The following FRMD3 variants were observed in gnomAD, a reference collection of about 807,000 sequenced individuals.
FRMD3 encodes the protein FERM domain containing 3, also known as FERM domain-containing protein 3.
Under a neutral mutation model 70.2 loss-of-function variants are expected in FRMD3, and 33 were observed. That is an observed-to-expected ratio of 0.47 (90% CI 0.36 to 0.63). The LOEUF (loss-of-function observed/expected upper bound fraction) is 0.63, where lower values mean the gene tolerates loss of function less well. FRMD3 is among the 20% of genes least tolerant of loss of function. The pLI, the probability that FRMD3 is intolerant of heterozygous loss-of-function variation, is 0.00. For missense variants in FRMD3, 632 were observed against 711.4 expected (o/e 0.89, Z 1.27); for synonymous variants, 279 against 255.9 (o/e 1.09, Z -0.86).
At chr9:83,307,508 T>C (rs1835178220) in intron 10 of FRMD3, among the ~76,000 whole-genome samples, 1 of 152,268 alleles carries the variant, frequency 6.6e-6, no homozygotes, top group Non-Finnish European at 1.5e-5. Context: ...TGAGACATGT[T>C]ATAATATGGG....
the FRMD3 span, among the ~76,000 whole-genome samples, chr9:83,554,933 G>A: frequency 1.1e-4 from 16 of 152,290 alleles, no homozygotes; most frequent in Middle Eastern, 3.4e-3. Flanking sequence ...CTAGAACCTC[G>A]AGGTATCACA....
intron 1 of FRMD3, among the ~76,000 whole-genome samples, chr9:83,434,718 G>A (rs1441986253): frequency 1.5e-4 from 23 of 151,450 alleles, no homozygotes; most frequent in Non-Finnish European, 1.5e-5. Flanking sequence ...GAAAAGAAGT[G>A]TTGTAACATG....
At chr9:83,323,580 G>T (rs1354172301) in intron 6 of FRMD3, among the ~76,000 whole-genome samples, 1 of 152,114 alleles carries the variant, frequency 6.6e-6, no homozygotes, top group Non-Finnish European at 1.5e-5. Context: ...CACCACTTCA[G>T]GACTCTGCAG....
the FRMD3 span, among the ~76,000 whole-genome samples, chr9:83,545,899 A>C: frequency 6.6e-6 from 1 of 152,202 alleles, no homozygotes; most frequent in African/African-American, 2.4e-5. Flanking sequence ...CAAGGTGTAT[A>C]GTCACCAGAC....
At chr9:83,523,607 G>A (rs1045247456) in intron 1 of FRMD3, among the ~76,000 whole-genome samples, 1 of 152,116 alleles carries the variant, frequency 6.6e-6, no homozygotes, top group Non-Finnish European at 1.5e-5. Flanking sequence ...TTTCTCTATG[G>A]AGGTACAATT....
chr9:83,405,285 G>T (rs921894522), intron 1 of FRMD3, among the ~76,000 whole-genome samples: 2 of 152,048 alleles, frequency 1.3e-5, no homozygotes, highest in African/African-American at 4.8e-5. Context: ...GTGAAGCTCC[G>T]CCTCAGACCC....
At chr9:83,416,782 T>C (rs977515758) in intron 1 of FRMD3, among the ~76,000 whole-genome samples, 1 of 99,142 alleles carries the variant, frequency 1.0e-5, no homozygotes, top group African/African-American at 3.9e-5. Flanking sequence ...TCTCTCTCTC[T>C]CTCTCACTCT....
chr9:83,245,731 A>T lies in FRMD3; in HGVS notation c.*2187T>A. 1 of 984,394 alleles carries T rather than the reference A, an allele frequency of 1.0e-6. No individual in the cohort carries two copies. Among genetic ancestry groups the T allele is most frequent in the South Asian group, 4.7e-5 (1 of 21,270 alleles). The allele number at this position is 984,394 out of a possible 1,614,324, so 61.0% of individuals were successfully genotyped here. ...CATAGTCAGAACTTTAGAGAAAATTATATGACGCATGATCAGAAGGGGACT... is the reference window on the plus strand; with the variant it reads ...CATAGTCAGAACTTTAGAGAAAATTTTATGACGCATGATCAGAAGGGGACT... On this transcript the variant is annotated 3_prime_UTR_variant, in exon 14 of 14. Coordinates refer to ENST00000304195, the MANE Select transcript of FRMD3 (RefSeq NM_174938.6).
At chr9:83,289,628 C>G (rs1834341668) in intron 13 of FRMD3, among the ~76,000 whole-genome samples, 3 of 152,174 alleles carry the variant, frequency 2.0e-5, no homozygotes. Context: ...TGACTTGAAG[C>G]TGGAGGTGAA....
chr9:83,462,108 C>A lies in FRMD3; in HGVS notation c.148-72400G>T, dbSNP rs186767666. 4.6e-5 allele frequency among the ~76,000 whole-genome samples: 7 copies of A among 152,286 alleles called. 1 individual carries two copies. The highest frequency in any genetic ancestry group is 1.7e-4 in the African/African-American group (7 of 41,560). ...AAAAGTTACACAGTCCTGGGTTTGT[C>A]TGTCTTCATTTGTGAAATAAGGAAG... is the stretch of plus-strand genomic sequence containing the variant. On this transcript the variant is annotated intron_variant, in intron 1 of 13. Coordinates refer to ENST00000304195, the MANE Select transcript of FRMD3 (RefSeq NM_174938.6).
chr9:83,352,969 T>C (rs1824211871), intron 3 of FRMD3, among the ~76,000 whole-genome samples: 1 of 152,160 alleles, frequency 6.6e-6, no homozygotes, highest in Non-Finnish European at 1.5e-5. Flanking sequence ...CAATACAAGG[T>C]GCTCAAGATA....
rs1564032911 is a variant in FRMD3, at chr9:83,357,282, TATATATATATATATAA to T, written c.296-7541_296-7526del. Among the ~76,000 whole-genome samples the T allele has an allele frequency of 3.6e-3, 289 of 79,800 alleles. 13 individuals are homozygous for T. Among genetic ancestry groups the T allele is most frequent in the East Asian group, 6.8e-3 (14 of 2,050 alleles). The allele number at this position is 79,800 out of a possible 152,430, so 52.4% of individuals were successfully genotyped here. A position where few individuals can be genotyped will look rare whatever the true frequency, so the allele number is the denominator to read the frequency against. On this transcript the variant is annotated intron_variant, in intron 3 of 13. Transcript: ENST00000304195. The stretch of plus-strand genomic sequence containing the variant: ...ATATATATATATATATATATATATA[TATATATATATATATAA>T]AACATTTTCTTTATCCACTCATTGA...
At chr9:83,335,714 C>T (rs1055046255) in intron 5 of FRMD3, 75 bp from the exon 6 acceptor site, 21 of 1,291,792 alleles carry the variant, frequency 1.6e-5, no homozygotes, top group Non-Finnish European at 1.5e-5. Context: ...TATGGAGTGC[C>T]TCCTGCCATC....
At chr9:83,401,311 G>C (rs1825944335) in intron 1 of FRMD3, among the ~76,000 whole-genome samples, 1 of 152,208 alleles carries the variant, frequency 6.6e-6, no homozygotes, top group Non-Finnish European at 1.5e-5. Context: ...TTAACCGTTA[G>C]CGAGCAGTAC....
intron 3 of FRMD3, among the ~76,000 whole-genome samples, chr9:83,356,498 G>C (rs753933733): frequency 4.0e-5 from 6 of 151,380 alleles, no homozygotes; most frequent in Non-Finnish European, 7.4e-5. Flanking sequence ...GGATGGTCTC[G>C]ATCTCCTGAC....
chr9:83,503,873 T>C (rs1829125787), intron 1 of FRMD3, among the ~76,000 whole-genome samples: 1 of 152,122 alleles, frequency 6.6e-6, no homozygotes, highest in South Asian at 2.1e-4. Flanking sequence ...CACAACTCAT[T>C]CGTGCAAGAA....
chr9:83,530,891 T>C (rs1829779236), intron 1 of FRMD3, among the ~76,000 whole-genome samples: 1 of 152,126 alleles, frequency 6.6e-6, no homozygotes, highest in African/African-American at 2.4e-5. Context: ...AGGCAGAACA[T>C]CACCACAGGG....
intron 1 of FRMD3, among the ~76,000 whole-genome samples, chr9:83,414,292 T>C (rs1826366771): frequency 6.6e-6 from 1 of 152,206 alleles, no homozygotes; most frequent in African/African-American, 2.4e-5. Flanking sequence ...AATTTAATGG[T>C]ATGTAAATTA....
At chr9:83,479,688 GAAAGAAAGAAAGAA>G (rs1828501911) in intron 1 of FRMD3, among the ~76,000 whole-genome samples, 1 of 75,130 alleles carries the variant, frequency 1.3e-5, no homozygotes, top group Admixed American at 1.3e-4. Context: ...AAGAAAGAAA[GAAAGAAAGAAAGAA>G]AGAAAGAAAG....
Sources: gnomAD v4.1 joint callset for allele counts (sites outside exome capture counted in the v4.1 genomes callset) on GRCh38, gnomAD v4.1.1 for gene constraint, MANE v1.5 for transcripts, NCBI Gene and HGNC (gene_info 2026-07-23, HGNC 2026-07-21) for gene names.